The following FAM222B variants were observed in gnomAD, a reference collection of about 807,000 sequenced individuals.
FAM222B encodes protein FAM222B.
A neutral mutation model predicts 38.0 loss-of-function variants in FAM222B; 12 were observed. The observed-to-expected ratio is 0.32, with a 90% CI of 0.20 to 0.51. The LOEUF is 0.51. Among genes scored for constraint, FAM222B ranks in the 20% least tolerant of loss-of-function variants. FAM222B has a pLI of 0.97. For missense variants in FAM222B, 716 were observed against 754.2 expected, an observed-to-expected ratio of 0.95 and a Z score of 0.59; for synonymous variants, 329 against 317.2, an observed-to-expected ratio of 1.04 and a Z score of -0.40.
chr17:28,836,614 G>C (rs1005014803), intron 1 of FAM222B, among the ~76,000 whole-genome samples: 3 of 152,098 alleles, frequency 2.0e-5, no homozygotes, highest in Non-Finnish European at 4.4e-5. Context: ...TGAGCAAGCA[G>C]GGGGTACGTG....
At chr17:28,791,370 G>A (rs2036677857) in intron 1 of FAM222B, among the ~76,000 whole-genome samples, 1 of 151,976 alleles carries the variant, frequency 6.6e-6, no homozygotes, top group Non-Finnish European at 1.5e-5. Flanking sequence ...TTGCCACTTG[G>A]AATAGGTTTC....
chr17:28,798,548 T>C lies in FAM222B; in HGVS notation c.-40-31841A>G, dbSNP rs185220557. ...CAGTGCAAGACAGCAGCACAGCTTT[T>C]AATTAGGTAATTTTTTAAAAAGCAC... On this transcript the variant is annotated intron_variant, in intron 1 of 2. Transcript: ENST00000581407. Among the ~76,000 whole-genome samples the C allele has an allele frequency of 3.2e-4, 49 of 152,296 alleles. 1 individual carries two copies. Among genetic ancestry groups the C allele is most frequent in the Admixed American group, 1.6e-3 (24 of 15,288 alleles).
intron 1 of FAM222B, among the ~76,000 whole-genome samples, chr17:28,823,675 A>G (rs2038341856): frequency 6.6e-6 from 1 of 152,030 alleles, no homozygotes; most frequent in Non-Finnish European, 1.5e-5. Context: ...CTCACTAGCT[A>G]TTCCTTCTCT....
intron 1 of FAM222B, among the ~76,000 whole-genome samples, chr17:28,797,739 G>GA (rs2037009884): frequency 6.6e-6 from 1 of 152,128 alleles, no homozygotes; most frequent in Non-Finnish European, 1.5e-5. Flanking sequence ...GGTTGGGTAT[G>GA]TATCATCAGC....
At chr17:28,768,462 A>T (rs971166235) in intron 1 of FAM222B, among the ~76,000 whole-genome samples, 51 of 152,224 alleles carry the variant, frequency 3.4e-4, no homozygotes, top group African/African-American at 1.2e-3. Context: ...GAGTTCTGGC[A>T]CAGCGTCAGT....
chr17:28,785,198 T>C (rs180791161), intron 1 of FAM222B, among the ~76,000 whole-genome samples: 592 of 57,230 alleles, frequency 0.01, 5 homozygotes, highest in African/African-American at 0.017. Flanking sequence ...ATTGAATCTC[T>C]GTCTTAGTTC....
At chr17:28,804,709 A>G (rs2037399059) in intron 1 of FAM222B, among the ~76,000 whole-genome samples, 1 of 152,134 alleles carries the variant, frequency 6.6e-6, no homozygotes. Flanking sequence ...GAATTTTTCT[A>G]GGTCCAGTAC....
At chr17:28,821,834 T>G (rs2038229716) in intron 1 of FAM222B, among the ~76,000 whole-genome samples, 1 of 151,346 alleles carries the variant, frequency 6.6e-6, no homozygotes, top group South Asian at 2.1e-4. Flanking sequence ...TGGTGGCGCA[T>G]GCCTGTAATC....
chr17:28,759,427 T>C lies in FAM222B; in HGVS notation c.532A>G (p.Ile178Val). Residue 178 changes from isoleucine (I) to valine (V), a missense_variant, in exon 3 of 3, where the codon ATC becomes GTC. By Grantham distance (29) the Ile-to-Val change is conservative. Transcript: ENST00000581407. This position sits in a 1 kb window ranked among gnomAD's most constrained non-coding sequence, Gnocchi z 4.8. Reference protein sequence around the residue: ...PPQTLQHPQGIPPPQALSHPQ... With the variant: ...PPQTLQHPQGVPPPQALSHPQ... ...TGGGACAGTGCCTGGGGTGGCGGGA[T>C]ACCCTGAGGGTGCTGCAGCGTCTGG... The C allele has an allele frequency of 1.3e-6, 2 of 1,585,512 alleles. No homozygotes were observed. Among genetic ancestry groups the C allele is most frequent in the Non-Finnish European group, 8.6e-7 (1 of 1,168,108 alleles).
At chr17:28,818,491 G>A (rs1336618637) in intron 1 of FAM222B, among the ~76,000 whole-genome samples, 5 of 150,530 alleles carry the variant, frequency 3.3e-5, no homozygotes, top group Non-Finnish European at 4.4e-5. Flanking sequence ...TCGCGCCACT[G>A]CACTCCAGCC....
intron 1 of FAM222B, among the ~76,000 whole-genome samples, chr17:28,778,285 G>A (rs2035987478): frequency 6.6e-6 from 1 of 151,654 alleles, no homozygotes; most frequent in Admixed American, 6.6e-5. Context: ...GGTATATGAT[G>A]TTCCCCTATG....
intron 1 of FAM222B, among the ~76,000 whole-genome samples, chr17:28,824,078 C>G (rs1017599496): frequency 6.6e-6 from 1 of 152,084 alleles, no homozygotes; most frequent in Admixed American, 6.6e-5. Context: ...AGGGTTTCAC[C>G]GTGTTAGCCA....
chr17:28,809,929 G>C (rs1384083669), intron 1 of FAM222B, among the ~76,000 whole-genome samples: 1 of 152,116 alleles, frequency 6.6e-6, no homozygotes, highest in Non-Finnish European at 1.5e-5. Context: ...ATATCAAATA[G>C]AAGGGCAAAC....
chr17:28,788,843 A>T lies in FAM222B; in HGVS notation c.-40-22136T>A, dbSNP rs187099301. ...TATAACCACTGCCTCCCAGGTTCAA[A>T]CAATTCTCCTGCCTCAGCCTCCCGA... is the stretch of plus-strand genomic sequence containing the variant. On this transcript the variant is annotated intron_variant, in intron 1 of 2. Transcript: ENST00000581407. Among the ~76,000 whole-genome samples, 158 of 151,722 alleles carry T rather than the reference A, an allele frequency of 1.0e-3. 1 individual carries two copies. Among genetic ancestry groups the T allele is most frequent in the South Asian group, 3.1e-3 (15 of 4,806 alleles).
intron 1 of FAM222B, among the ~76,000 whole-genome samples, chr17:28,791,705 G>A: frequency 7.9e-6 from 1 of 125,870 alleles, no homozygotes; most frequent in Admixed American, 9.4e-5. Flanking sequence ...TTTTGAGACA[G>A]AGTCTAGGCT....
intron 1 of FAM222B, among the ~76,000 whole-genome samples, chr17:28,838,497 G>A (rs1422262425): frequency 6.7e-6 from 1 of 149,958 alleles, no homozygotes; most frequent in Non-Finnish European, 1.5e-5. Flanking sequence ...GGAGAATGGC[G>A]TGAACCTTGG....
chr17:28,768,781 A>G (rs183090900), intron 1 of FAM222B, among the ~76,000 whole-genome samples: 2 of 146,024 alleles, frequency 1.4e-5, no homozygotes, highest in East Asian at 4.2e-4. Context: ...GGTTGCAGTG[A>G]GCAGAGGCTG....
At chr17:28,772,760 C>T (rs903997254) in intron 1 of FAM222B, among the ~76,000 whole-genome samples, 8 of 151,658 alleles carry the variant, frequency 5.3e-5, no homozygotes, top group Non-Finnish European at 1.0e-4. Context: ...CTGGGCATGG[C>T]GGTGGGCACC....
At chr17:28,798,122 G>T (rs997401625) in intron 1 of FAM222B, among the ~76,000 whole-genome samples, 1 of 152,046 alleles carries the variant, frequency 6.6e-6, no homozygotes, top group Admixed American at 6.6e-5. Context: ...CAGGCGCGGT[G>T]GTTCACACTG....
Sources: gnomAD v4.1 joint callset for allele counts (sites outside exome capture counted in the v4.1 genomes callset) on GRCh38, gnomAD v4.1.1 for gene constraint, Gnocchi (gnomAD v3.1) non-coding constraint, MANE v1.5 for transcripts, NCBI Gene and HGNC (gene_info 2026-07-23, HGNC 2026-07-21) for gene names.